ARHGAP6: variants seen among roughly 807,000 people sequenced by gnomAD.
ARHGAP6 encodes the protein rho GTPase-activating protein 6.
A neutral mutation model predicts 55.7 loss-of-function variants in ARHGAP6; 16 were observed. The ratio of observed to expected loss-of-function variants is 0.29; its 90% CI spans 0.19 to 0.44. The LOEUF (loss-of-function observed/expected upper bound fraction) is 0.44. ARHGAP6 is among the 20% of genes least tolerant of loss of function. The pLI is 1.00. For synonymous variants in ARHGAP6, 382 were observed against 360.9 expected (o/e 1.06, Z -0.66); for missense variants, 698 against 808.9 (o/e 0.86, Z 1.66).
At chrX:11,341,539 AG>A (rs1353624530) in intron 1 of ARHGAP6, among the ~76,000 whole-genome samples, 1 of 112,309 alleles carries the variant, frequency 8.9e-6, no homozygotes. Flanking sequence ...TCACCCCAGC[AG>A]GGCAGTGGCT....
intron 1 of ARHGAP6, among the ~76,000 whole-genome samples, chrX:11,290,862 G>A (rs960487080): frequency 8.9e-6 from 1 of 111,783 alleles, no homozygotes; most frequent in Non-Finnish European, 1.9e-5. Flanking sequence ...TCTCACAGGC[G>A]AGGCCCTCCC....
chrX:11,642,331 C>T (rs1005797119), intron 1 of ARHGAP6, among the ~76,000 whole-genome samples: 4 of 111,120 alleles, frequency 3.6e-5, no homozygotes, highest in African/African-American at 1.3e-4. Context: ...TGTGTTTAGG[C>T]CAAAAAATAT....
chrX:11,363,894 T>C (rs775742069), intron 1 of ARHGAP6, among the ~76,000 whole-genome samples: 3 of 112,218 alleles, frequency 2.7e-5, no homozygotes, highest in African/African-American at 9.7e-5. Flanking sequence ...TAAAGACACA[T>C]GCACATGTAT....
chrX:11,605,336 C>G (rs1429513464), intron 1 of ARHGAP6, among the ~76,000 whole-genome samples: 1 of 111,492 alleles, frequency 9.0e-6, no homozygotes, highest in African/African-American at 3.3e-5. Context: ...CAGCAGCAAG[C>G]TGGCACACAG....
rs937127883 is a variant in ARHGAP6, at chrX:11,232,530, G to C, written c.748+22018C>G. ...GCCTGTAGTCCCAGTGACTCAGGGA[G>C]GCTGAGGCAGGAGAATCGCTTGAAC... is the stretch of plus-strand genomic sequence containing the variant. On this transcript the variant is annotated intron_variant, in intron 2 of 12. Transcript: ENST00000337414. Among the ~76,000 whole-genome samples, 5 of 111,562 alleles carry C rather than the reference G, an allele frequency of 4.5e-5. No individual in the cohort carries two copies. The Admixed American group carries it at 4.8e-4, about 11-fold the overall frequency.
intron 3 of ARHGAP6, among the ~76,000 whole-genome samples, chrX:11,189,535 T>C (rs1224183468): frequency 8.9e-6 from 1 of 111,807 alleles, no homozygotes; most frequent in East Asian, 2.8e-4. Flanking sequence ...GCTTGGGAAC[T>C]GGTTGGGAAG....
chrX:11,364,023 TA>T (rs2049044467), intron 1 of ARHGAP6, among the ~76,000 whole-genome samples: 1 of 111,872 alleles, frequency 8.9e-6, no homozygotes, highest in African/African-American at 3.2e-5. Flanking sequence ...TATGCAGCCA[TA>T]AAAAGGAACA....
intron 1 of ARHGAP6, among the ~76,000 whole-genome samples, chrX:11,278,911 A>G (rs1469008463): frequency 9.0e-6 from 1 of 110,823 alleles, no homozygotes; most frequent in Non-Finnish European, 1.9e-5. Flanking sequence ...TATAGTTGGG[A>G]CATGCTAAAC....
chrX:11,535,717 A>C (rs762614203), intron 1 of ARHGAP6, among the ~76,000 whole-genome samples: 1 of 106,150 alleles, frequency 9.4e-6, no homozygotes, highest in Non-Finnish European at 1.9e-5. Context: ...CCAGTCTCTC[A>C]TTAACAGTGG....
chrX:11,500,795 G>C (rs2050670792), intron 1 of ARHGAP6, among the ~76,000 whole-genome samples: 1 of 109,767 alleles, frequency 9.1e-6, no homozygotes, highest in Non-Finnish European at 1.9e-5. Flanking sequence ...AGAATCTCAA[G>C]TGGAGCTCAG....
intron 2 of ARHGAP6, among the ~76,000 whole-genome samples, chrX:11,228,403 T>C (rs750732262): frequency 9.8e-6 from 1 of 102,009 alleles, no homozygotes; most frequent in African/African-American, 3.8e-5. Flanking sequence ...CCAGCATCCT[T>C]TGAATATTAA....
At chrX:11,568,480 CTG>C (rs1433215462) in intron 1 of ARHGAP6, among the ~76,000 whole-genome samples, 1 of 112,342 alleles carries the variant, frequency 8.9e-6, no homozygotes, top group Non-Finnish European at 1.9e-5. Context: ...TAATAGAAAA[CTG>C]TAGTTCTGGC....
chrX:11,536,177 G>A (rs527274051), intron 1 of ARHGAP6, among the ~76,000 whole-genome samples: 144 of 111,510 alleles, frequency 1.3e-3, no homozygotes, highest in African/African-American at 4.3e-3. Flanking sequence ...CTCAGCACTC[G>A]CTGCTTCAGG....
chrX:11,618,693 T>G (rs955564082), intron 1 of ARHGAP6, among the ~76,000 whole-genome samples: 3 of 112,451 alleles, frequency 2.7e-5, no homozygotes, highest in African/African-American at 9.7e-5. Flanking sequence ...TCCTATATAA[T>G]GAACTTGCTT....
At chrX:11,175,952 C>A (rs1031432319) in intron 8 of ARHGAP6, among the ~76,000 whole-genome samples, 2 of 107,420 alleles carry the variant, frequency 1.9e-5, no homozygotes, top group Admixed American at 2.0e-4. Flanking sequence ...GTAAGGGGAC[C>A]AACCCAACCC....
chrX:11,286,611 C>T (rs1245093189), intron 1 of ARHGAP6, among the ~76,000 whole-genome samples: 1 of 111,444 alleles, frequency 9.0e-6, no homozygotes, highest in Non-Finnish European at 1.9e-5. Context: ...TGCCCCCTCA[C>T]TCCCCCATCA....
At chrX:11,215,992 T>G (rs1254402812) in intron 2 of ARHGAP6, among the ~76,000 whole-genome samples, 1 of 111,519 alleles carries the variant, frequency 9.0e-6, no homozygotes, top group Non-Finnish European at 1.9e-5. Context: ...ATGGATGCGG[T>G]CCTGACGTCC....
chrX:11,568,994 T>C (rs777883825), intron 1 of ARHGAP6, among the ~76,000 whole-genome samples: 1 of 111,869 alleles, frequency 8.9e-6, no homozygotes. Context: ...TACTTAGTGA[T>C]GAAAAAGCTC....
intron 1 of ARHGAP6, among the ~76,000 whole-genome samples, chrX:11,405,005 C>A (rs914001873): frequency 8.9e-6 from 1 of 112,200 alleles, no homozygotes; most frequent in African/African-American, 3.2e-5. Context: ...CAAATGTCTG[C>A]AGGCATCCAC....
Sources: allele counts gnomAD v4.1 joint callset (sites outside exome capture counted in the v4.1 genomes callset), GRCh38; gene constraint gnomAD v4.1.1; transcripts MANE v1.5; gene names NCBI Gene and HGNC (gene_info 2026-07-23, HGNC 2026-07-21).